The following IRF4 variants were observed in gnomAD, a reference collection of about 807,000 sequenced individuals.
IRF4 encodes the protein lymphocyte-specific interferon regulatory factor.
IRF4 carries 13 observed loss-of-function variants against 55.5 expected under a neutral mutation model. The ratio of observed to expected loss-of-function variants is 0.23; its 90% confidence interval spans 0.15 to 0.37. The LOEUF (loss-of-function observed/expected upper bound fraction) is 0.37. Ranked by LOEUF, IRF4 falls within the 10% of genes least tolerant of loss-of-function variation. IRF4 has a pLI of 1.00. For missense variants in IRF4, 397 were observed against 593.8 expected (o/e 0.67, Z 3.44); for synonymous variants, 249 against 240.7 (o/e 1.03, Z -0.32).
intron 3 of IRF4, 45 bp from the exon 4 acceptor site, chr6:395,802 T>C: frequency 7.0e-7 from 1 of 1,420,914 alleles, no homozygotes; most frequent in Non-Finnish European, 9.9e-7. Context: ...TTAGGTCAGT[T>C]CCTGTTTTTA....
At chr6:406,694 C>T (rs1761553434) in intron 8 of IRF4, 1 of 750,000 alleles carries the variant, frequency 1.3e-6, no homozygotes, top group Non-Finnish European at 1.7e-6. Context: ...CTGCGTGGTC[C>T]ATAAAATGAA....
intron 4 of IRF4, 49 bp from the exon 5 acceptor site, chr6:397,059 C>T (rs770496441): frequency 1.4e-5 from 22 of 1,601,908 alleles, no homozygotes; most frequent in South Asian, 2.2e-5. Context: ...CCTTTACCCC[C>T]GTCTCAATGC....
At chr6:404,337 A>G (rs1761484825) in intron 7 of IRF4, among the ~76,000 whole-genome samples, 1 of 152,186 alleles carries the variant, frequency 6.6e-6, no homozygotes, top group South Asian at 2.1e-4. Context: ...ACATGTGTAT[A>G]TCCACAAGCG....
chr6:391,928 AG>A, intron 1 of IRF4, 119 bp downstream of exon 1: 1 of 442,946 alleles, frequency 2.3e-6, no homozygotes, highest in Non-Finnish European at 4.6e-6. Context: ...CGGAGCGGGA[AG>A]GGAGCGCGCC....
rs1276505056 is a variant in IRF4, at chr6:393,911, CCTCTGTCTTTCTCTTTGTGTGT to C, written c.216+552_216+573del. Among the ~76,000 whole-genome samples the C allele has an allele frequency of 6.6e-6, 1 of 152,214 alleles. No homozygotes were observed. Among genetic ancestry groups the C allele is most frequent in the Non-Finnish European group, 1.5e-5 (1 of 68,034 alleles). On this transcript the variant is annotated intron_variant, in intron 2 of 8. Coordinates refer to ENST00000380956, the MANE Select transcript of IRF4 (RefSeq NM_002460.4). This position sits in a 1 kb window ranked among gnomAD's most constrained non-coding sequence, Gnocchi z 5.4. Reference sequence around the variant, plus strand: ...TGCTAGCTCTCTGCGGGTACTCCCACCTCTGTCTTTCTCTTTGTGTGTCTCTGTCTCTCTCTTTCCCCCATCG... The same window carrying C: ...TGCTAGCTCTCTGCGGGTACTCCCACCTCTGTCTCTCTCTTTCCCCCATCG...
At chr6:401,194 T>C (rs1425056509) in intron 6 of IRF4, among the ~76,000 whole-genome samples, 3 of 152,218 alleles carry the variant, frequency 2.0e-5, no homozygotes, top group Admixed American at 1.3e-4. Flanking sequence ...ATGGGTTTCT[T>C]TCCACGGGAC....
chr6:400,833 A>C (rs1194859995), intron 6 of IRF4, among the ~76,000 whole-genome samples: 1 of 152,042 alleles, frequency 6.6e-6, no homozygotes, highest in African/African-American at 2.4e-5. Context: ...TTTTACCTAA[A>C]TGATGTCATG....
At chr6:405,811 T>A (rs1283763323) in intron 8 of IRF4, among the ~76,000 whole-genome samples, 3 of 152,202 alleles carry the variant, frequency 2.0e-5, no homozygotes, top group African/African-American at 7.2e-5. Context: ...AGAAAAGGTT[T>A]CCATAGATAA....
intron 7 of IRF4, among the ~76,000 whole-genome samples, chr6:402,859 C>T (rs956137639): frequency 6.6e-6 from 1 of 152,186 alleles, no homozygotes; most frequent in Admixed American, 6.5e-5. Context: ...TGGCAAAACC[C>T]CGTCTCTACT....
At chr6:400,171 G>A (rs1489438089) in intron 6 of IRF4, among the ~76,000 whole-genome samples, 1 of 152,156 alleles carries the variant, frequency 6.6e-6, no homozygotes, top group Non-Finnish European at 1.5e-5. Context: ...AAAACCTGCT[G>A]TTGAGGAATA....
intron 6 of IRF4, among the ~76,000 whole-genome samples, chr6:400,002 G>A (rs1761357830): frequency 6.6e-6 from 1 of 152,072 alleles, no homozygotes; most frequent in Non-Finnish European, 1.5e-5. Context: ...TTTATATCTC[G>A]GCAACCTCGT....
intron 1 of IRF4, among the ~76,000 whole-genome samples, chr6:392,062 G>C (rs956420502): frequency 5.3e-5 from 8 of 152,358 alleles, no homozygotes; most frequent in Admixed American, 5.2e-4. Context: ...TCCTGCGACG[G>C]GGTCGCCACA....
rs192168561 is a variant in IRF4 at position 410,238 on chromosome 6, C to T, written c.*2640C>T. 10 of 228,970 alleles carry T rather than the reference C, an allele frequency of 4.4e-5. No individual in the cohort carries two copies. In the East Asian group the frequency reaches 5.6e-4, roughly 13 times the overall value. The allele number at this position is 228,970 out of a possible 1,614,324, so 14.2% of individuals were successfully genotyped here. A position where few individuals can be genotyped will look rare whatever the true frequency, so the allele number is the denominator to read the frequency against. On this transcript the variant is annotated 3_prime_UTR_variant, in exon 9 of 9. Transcript: ENST00000380956. ...CATATGGAAAAAATGTATGTGTCTCCCAGGTGCATTTCTTGGTTTATGTCT... is the reference window on the plus strand; with the variant it reads ...CATATGGAAAAAATGTATGTGTCTCTCAGGTGCATTTCTTGGTTTATGTCT...
At chr6:399,076 G>A in intron 6 of IRF4, 141 bp downstream of exon 6, 1 of 491,034 alleles carries the variant, frequency 2.0e-6, no homozygotes, top group Non-Finnish European at 3.6e-6. Context: ...GACACATCCT[G>A]TGTGTGAGGT....
chr6:401,141 G>T (rs180991575), intron 6 of IRF4, among the ~76,000 whole-genome samples: 3 of 152,246 alleles, frequency 2.0e-5, no homozygotes, highest in African/African-American at 7.2e-5. Flanking sequence ...AAAAAGAGTC[G>T]GTGGCCACAT....
rs1302327519 is a variant in IRF4, at chr6:394,848, C to T, written c.244C>T (p.Arg82Ter). The T allele has an allele frequency of 1.2e-6, 2 of 1,614,084 alleles. No homozygotes were observed. The highest frequency in any genetic ancestry group is 1.3e-5 in the African/African-American group (1 of 75,050). Residue 82 changes from arginine to a stop codon, truncating the protein, a stop_gained, in exon 3 of 9, where the codon CGA (arginine) becomes TGA (stop). Transcript: ENST00000380956. LOFTEE classifies it high-confidence loss of function. ...KAWALFKGKFREGIDKPDPPT... is the reference protein window; with the variant it reads ...KAWALFKGKF Reference sequence around the variant, plus strand: ...TTGGGCACTGTTTAAAGGAAAGTTCCGAGAAGGCATCGACAAGCCGGACCC... The same window carrying T: ...TTGGGCACTGTTTAAAGGAAAGTTCTGAGAAGGCATCGACAAGCCGGACCC...
rs985257893 is a variant in IRF4, at chr6:393,783, T to A, written c.216+415T>A. The stretch of plus-strand genomic sequence containing the variant: ...GTGCGTCCGCGCCTGTGCCGGCGGC[T>A]GTTTTCGTCTCTCACCGCGTCTCTG... On this transcript the variant is annotated intron_variant, in intron 2 of 8. Transcript: ENST00000380956. The surrounding 1 kb of genome is among the most constrained non-coding windows in gnomAD (Gnocchi z 5.4). Among the ~76,000 whole-genome samples, 2 of 152,190 alleles carry A rather than the reference T, an allele frequency of 1.3e-5. No individual in the cohort carries two copies. Among genetic ancestry groups the A allele is most frequent in the African/African-American group, 4.8e-5 (2 of 41,440 alleles).
At chr6:402,075 C>T (rs1015479091) in intron 7 of IRF4, among the ~76,000 whole-genome samples, 3 of 152,186 alleles carry the variant, frequency 2.0e-5, no homozygotes, top group African/African-American at 4.8e-5. Context: ...TCGACAAATA[C>T]GTCTGCTGAT....
chr6:405,414 G>A lies in IRF4; in HGVS notation c.1212+284G>A, dbSNP rs966963109. Among the ~76,000 whole-genome samples the A allele has an allele frequency of 1.1e-4, 16 of 152,252 alleles. 1 individual carries two copies. Among genetic ancestry groups the A allele is most frequent in the African/African-American group, 3.1e-4 (13 of 41,552 alleles). On this transcript the variant is annotated intron_variant, in intron 8 of 8. Coordinates refer to ENST00000380956, the MANE Select transcript of IRF4 (RefSeq NM_002460.4). ...TTTTTTATTTTTCAGGAAAGTTGTC[G>A]TATTTCCATTTTATAGGGATTGAAA...
Sources: gnomAD v4.1 joint callset for allele counts (sites outside exome capture counted in the v4.1 genomes callset) on GRCh38, gnomAD v4.1.1 for gene constraint, Gnocchi (gnomAD v3.1) non-coding constraint, MANE v1.5 for transcripts, NCBI Gene and HGNC (gene_info 2026-07-23, HGNC 2026-07-21) for gene names.